The following SLC24A4 variants were observed in gnomAD, a reference collection of about 807,000 sequenced individuals.
The protein encoded by SLC24A4 is sodium/potassium/calcium exchanger 4.
In SLC24A4, 53 loss-of-function variants were observed where a neutral mutation model predicts 79.0. The ratio of observed to expected loss-of-function variants is 0.67; its 90% CI spans 0.54 to 0.84. SLC24A4 has a LOEUF of 0.84. Among genes scored for constraint, SLC24A4 ranks in the 40% least tolerant of loss-of-function variants. SLC24A4 has a pLI of 0.00. For missense variants in SLC24A4, 731 were observed against 822.0 expected, an observed-to-expected ratio of 0.89 and a Z score of 1.35; for synonymous variants, 323 against 323.8, an observed-to-expected ratio of 1.00 and a Z score of 0.03.
intron 2 of SLC24A4, among the ~76,000 whole-genome samples, chr14:92,377,451 G>A (rs1888579995): frequency 6.6e-6 from 1 of 152,208 alleles, no homozygotes; most frequent in Non-Finnish European, 1.5e-5. Flanking sequence ...CCAAACTAAG[G>A]AGATGACACC....
chr14:92,449,317 C>CAA, intron 10 of SLC24A4, 101 bp downstream of exon 10: 1 of 1,319,112 alleles, frequency 7.6e-7, no homozygotes, highest in Non-Finnish European at 1.0e-6. Context: ...CACACACACA[C>CAA]ACACACCCTC....
intron 2 of SLC24A4, among the ~76,000 whole-genome samples, chr14:92,395,783 G>C (rs1028134992): frequency 1.3e-5 from 2 of 151,762 alleles, no homozygotes; most frequent in African/African-American, 4.8e-5. Context: ...TATACCTTCT[G>C]GTTTTTGTCA....
intron 2 of SLC24A4, among the ~76,000 whole-genome samples, chr14:92,421,005 C>G (rs1277105620): frequency 1.3e-5 from 2 of 152,116 alleles, no homozygotes; most frequent in Non-Finnish European, 2.9e-5. Context: ...GAACTCCAGC[C>G]TCTGGAGATG....
At chr14:92,473,652 A>T (rs1374529957) in intron 12 of SLC24A4, among the ~76,000 whole-genome samples, 2 of 152,142 alleles carry the variant, frequency 1.3e-5, no homozygotes, top group African/African-American at 4.8e-5. Context: ...GAGTCTCAGG[A>T]CAGCTGGAAC....
intron 2 of SLC24A4, among the ~76,000 whole-genome samples, chr14:92,417,774 C>T (rs938463159): frequency 3.3e-5 from 5 of 152,200 alleles, no homozygotes; most frequent in African/African-American, 4.8e-5. Flanking sequence ...CAACTACCTG[C>T]GGTATTCAGT....
intron 2 of SLC24A4, among the ~76,000 whole-genome samples, chr14:92,412,427 G>A (rs1349556868): frequency 1.3e-5 from 2 of 152,132 alleles, no homozygotes; most frequent in African/African-American, 4.8e-5. Flanking sequence ...AAAACAGTAG[G>A]TATTGATGTT....
intron 2 of SLC24A4, among the ~76,000 whole-genome samples, chr14:92,383,813 C>A (rs1302915057): frequency 6.6e-6 from 1 of 152,216 alleles, no homozygotes; most frequent in Non-Finnish European, 1.5e-5. Context: ...CCCCTGTACA[C>A]CCCCTGGGGC....
At chr14:92,383,744 C>G (rs1363982269) in intron 2 of SLC24A4, among the ~76,000 whole-genome samples, 1 of 151,532 alleles carries the variant, frequency 6.6e-6, no homozygotes, top group Non-Finnish European at 1.5e-5. Context: ...AATGTTCATG[C>G]AGAAGATGAG....
chr14:92,400,331 C>T (rs770507105), intron 2 of SLC24A4, among the ~76,000 whole-genome samples: 3 of 149,892 alleles, frequency 2.0e-5, no homozygotes, highest in African/African-American at 4.9e-5. Flanking sequence ...CCCAGCTACT[C>T]GGGAGGCTGA....
rs780928031 is a variant in SLC24A4 at position 92,453,886 on chromosome 14, G to T, written c.881-14G>T. On this transcript the variant is annotated splice_polypyrimidine_tract_variant and intron_variant, in intron 10 of 16. Coordinates refer to ENST00000532405, the MANE Select transcript of SLC24A4 (RefSeq NM_153646.4). ...CAGAGAGATCAGCACTAATCACGGT[G>T]TTGCGCTCAACAGTGAAGGAGAAGC... 2.5e-6 allele frequency: 4 copies of T among 1,603,774 alleles called. No individual in the cohort carries two copies. Among genetic ancestry groups the T allele is most frequent in the Non-Finnish European group, 3.4e-6 (4 of 1,175,410 alleles).
intron 2 of SLC24A4, among the ~76,000 whole-genome samples, chr14:92,343,641 T>TTTCCTTCCTTCCTTCC (rs59633490): frequency 4.4e-5 from 2 of 45,020 alleles, no homozygotes; most frequent in Admixed American, 2.2e-4. Flanking sequence ...TCTTTCTTTC[T>TTTCCTTCCTTCCTTCC]CTCTTTCCTT....
chr14:92,443,365 G>T, intron 6 of SLC24A4, 35 bp from the exon 7 acceptor site: 3 of 1,611,524 alleles, frequency 1.9e-6, no homozygotes, highest in African/African-American at 1.3e-5. Context: ...CCGCTTCTGC[G>T]CTCATAGCAG....
At chr14:92,493,392 C>A in intron 16 of SLC24A4, 84 bp from the exon 17 acceptor site, 3 of 1,514,372 alleles carry the variant, frequency 2.0e-6, no homozygotes, top group Non-Finnish European at 2.7e-6. Context: ...TCTAGGTTTC[C>A]CCACATAGGT....
chr14:92,488,074 CTT>C (rs777031420), intron 14 of SLC24A4, among the ~76,000 whole-genome samples: 11 of 138,742 alleles, frequency 7.9e-5, no homozygotes, highest in Non-Finnish European at 1.1e-4. Flanking sequence ...CCTTCTTCCT[CTT>C]TTTTTTTTTT....
At chr14:92,487,435 T>A (rs1378674086) in intron 14 of SLC24A4, among the ~76,000 whole-genome samples, 3 of 83,842 alleles carry the variant, frequency 3.6e-5, no homozygotes, top group Non-Finnish European at 7.7e-5. Flanking sequence ...GCGTAAAATC[T>A]CACAGGAGAC....
intron 1 of SLC24A4, among the ~76,000 whole-genome samples, chr14:92,324,657 C>T (rs1228122121): frequency 6.6e-6 from 1 of 152,178 alleles, no homozygotes; most frequent in Non-Finnish European, 1.5e-5. Context: ...GGGATGTGAC[C>T]CCATGTGTAA....
At chr14:92,474,863 ATT>A (rs34398420) in intron 12 of SLC24A4, among the ~76,000 whole-genome samples, 1,464 of 57,138 alleles carry the variant, frequency 0.026, 70 homozygotes, top group African/African-American at 0.09. Context: ...ATATATATAT[ATT>A]TTTTTTTTTT....
chr14:92,340,592 G>T (rs974037964), intron 2 of SLC24A4, among the ~76,000 whole-genome samples: 3 of 152,140 alleles, frequency 2.0e-5, no homozygotes, highest in African/African-American at 4.8e-5. Flanking sequence ...CCTGCAGGGG[G>T]CTGGGCTTTC....
chr14:92,337,091 AT>A (rs564156187), intron 2 of SLC24A4, among the ~76,000 whole-genome samples: 52 of 149,232 alleles, frequency 3.5e-4, no homozygotes, highest in Middle Eastern at 6.9e-3. Context: ...GATTACTTGG[AT>A]TTTTTTTTTT....
Sources: gnomAD v4.1 joint callset for allele counts (sites outside exome capture counted in the v4.1 genomes callset) on GRCh38, gnomAD v4.1.1 for gene constraint, MANE v1.5 for transcripts, NCBI Gene and HGNC (gene_info 2026-07-23, HGNC 2026-07-21) for gene names.